Variants in KIF21A observed in about 807,000 individuals in gnomAD.
KIF21A encodes kinesin family member 21A, also known as kinesin-like protein KIF21A.
In KIF21A, 114 loss-of-function variants were observed where a neutral mutation model predicts 202.9. That is an observed-to-expected ratio of 0.56 (90% CI 0.48 to 0.66). The LOEUF (loss-of-function observed/expected upper bound fraction) is 0.66, where lower values mean the gene tolerates loss of function less well. Among genes scored for constraint, KIF21A ranks in the 30% least tolerant of loss-of-function variants. The pLI, the probability that KIF21A is intolerant of heterozygous loss-of-function variation, is 0.00. For missense variants in KIF21A, 1,677 were observed against 1,994.9 expected (o/e 0.84, Z 3.04); for synonymous variants, 667 against 670.8 (o/e 0.99, Z 0.09).
Position 39,312,617 on chromosome 12 carries a change from C to T in KIF21A, c.3960-1064G>A, listed in dbSNP as rs530792244. On this transcript the variant is annotated intron_variant, in intron 31 of 37. Coordinates refer to ENST00000361418, the MANE Select transcript of KIF21A (RefSeq NM_001173464.2). Reference sequence around the variant, plus strand: ...TGTGCATTGCATGCCTGTATCCAAACATCTCATGTACTCCATAAATATATA... The same window carrying T: ...TGTGCATTGCATGCCTGTATCCAAATATCTCATGTACTCCATAAATATATA... 1.3e-3 allele frequency: 195 copies of T among 152,072 alleles called. 2 individuals are homozygous for T. The highest frequency in any genetic ancestry group is 4.5e-3 in the African/African-American group (187 of 41,536). 9.4% of individuals were successfully genotyped at this position (152,072 alleles called of 1,614,324 possible). A position where few individuals can be genotyped will look rare whatever the true frequency, so the allele number is the denominator to read the frequency against.
intron 37 of KIF21A, among the ~76,000 whole-genome samples, chr12:39,298,828 A>G (rs1942672132): frequency 6.6e-6 from 1 of 152,184 alleles, no homozygotes; most frequent in Non-Finnish European, 1.5e-5. Flanking sequence ...GACAGGTATG[A>G]TGAAATTATC....
At position 39,358,445 on chromosome 12, in the gene KIF21A, T is replaced by C. The variant is rs545208658; in HGVS notation, c.1020-72A>G. 4 of 1,364,766 alleles carry C rather than the reference T, an allele frequency of 2.9e-6. No individual in the cohort carries two copies. In the South Asian group the frequency reaches 4.7e-5, roughly 16 times the overall value. The allele number at this position is 1,364,766 out of a possible 1,614,324, so 84.5% of individuals were successfully genotyped here. On this transcript the variant is annotated intron_variant, in intron 7 of 37. Coordinates refer to ENST00000361418, the MANE Select transcript of KIF21A (RefSeq NM_001173464.2). ...AATGCTAAAATAATCATTTTTAAAT[T>C]CCTAACATTTGAATAGTATCTTCTC...
chr12:39,300,641 C>A (rs1391424409), intron 37 of KIF21A, among the ~76,000 whole-genome samples: 2 of 151,842 alleles, frequency 1.3e-5, no homozygotes, highest in Non-Finnish European at 2.9e-5. Context: ...TGAATGAGAC[C>A]TACACTTCAC....
chr12:39,436,008 C>T, intron 1 of KIF21A, among the ~76,000 whole-genome samples: 1 of 152,002 alleles, frequency 6.6e-6, no homozygotes, highest in Non-Finnish European at 1.5e-5. Flanking sequence ...TGGGTTTCTA[C>T]CCCTGCGGTT....
At chr12:39,388,029 C>T (rs1020425068) in intron 1 of KIF21A, among the ~76,000 whole-genome samples, 4 of 152,068 alleles carry the variant, frequency 2.6e-5, no homozygotes, top group African/African-American at 7.2e-5. Context: ...TCAGTTCTTT[C>T]GAAGAAAAGA....
chr12:39,426,639 G>A (rs1301250823), intron 1 of KIF21A, among the ~76,000 whole-genome samples: 5 of 151,734 alleles, frequency 3.3e-5, no homozygotes, highest in East Asian at 1.9e-4. Flanking sequence ...TTGTGAGGCC[G>A]AGGTGGGCAG....
rs1188485899 is a variant in KIF21A at position 39,339,646 on chromosome 12, A to C, written c.2310+519T>G. ...GTAAAGAATAATTAATCAAAAACAGATAACAGATCAGGATTTGCACACTCT... is the reference window on the plus strand; with the variant it reads ...GTAAAGAATAATTAATCAAAAACAGCTAACAGATCAGGATTTGCACACTCT... On this transcript the variant is annotated intron_variant, in intron 16 of 37. Coordinates refer to ENST00000361418, the MANE Select transcript of KIF21A (RefSeq NM_001173464.2). Among the ~76,000 whole-genome samples, 45 of 152,224 alleles carry C rather than the reference A, an allele frequency of 3.0e-4. 1 individual carries two copies. Among genetic ancestry groups the C allele is most frequent in the Admixed American group, 2.9e-3 (45 of 15,276 alleles).
rs10580436 is a variant in KIF21A at position 39,355,707 on chromosome 12, T to TTATATATATATATATA, written c.1469+1109_1469+1124dup. Among the ~76,000 whole-genome samples, 322 of 101,164 alleles carry TTATATATATATATATA rather than the reference T, an allele frequency of 3.2e-3. 11 individuals carry two copies. Among genetic ancestry groups the TTATATATATATATATA allele is most frequent in the East Asian group, 0.025 (79 of 3,116 alleles). The allele number at this position is 101,164 out of a possible 152,430, so 66.4% of individuals were successfully genotyped here. On this transcript the variant is annotated intron_variant, in intron 10 of 37. Transcript: ENST00000361418. ...TACCAAAAACATGAAGCATGAACAA[T>TTATATATATATATATA]TATATATATATATATATATATATAT...
At chr12:39,372,286 T>C (rs944132894) in intron 1 of KIF21A, among the ~76,000 whole-genome samples, 1 of 152,204 alleles carries the variant, frequency 6.6e-6, no homozygotes, top group Non-Finnish European at 1.5e-5. Flanking sequence ...AAGTAAAGAA[T>C]ATGCAACTAT....
chr12:39,428,571 T>C (rs995653697), intron 1 of KIF21A, among the ~76,000 whole-genome samples: 1 of 152,206 alleles, frequency 6.6e-6, no homozygotes, highest in African/African-American at 2.4e-5. Flanking sequence ...TTTTATAATA[T>C]GCAATGTGAC....
At chr12:39,416,667 ATATGTACATATATATG>A (rs1953664431) in intron 1 of KIF21A, among the ~76,000 whole-genome samples, 2 of 104,826 alleles carry the variant, frequency 1.9e-5, no homozygotes, top group African/African-American at 7.7e-5. Flanking sequence ...GTGTATATAT[ATATGTACATATATATG>A]TGTGTATATA....
intron 10 of KIF21A, among the ~76,000 whole-genome samples, chr12:39,354,583 G>A (rs765667531): frequency 6.6e-6 from 1 of 151,994 alleles, no homozygotes; most frequent in Non-Finnish European, 1.5e-5. Flanking sequence ...TTATTAAAAG[G>A]TAACTACTAT....
chr12:39,424,817 T>C (rs1954617148), intron 1 of KIF21A, among the ~76,000 whole-genome samples: 2 of 152,152 alleles, frequency 1.3e-5, no homozygotes, highest in South Asian at 2.1e-4. Flanking sequence ...TATAATACAG[T>C]CCACCTTGTA....
intron 10 of KIF21A, among the ~76,000 whole-genome samples, chr12:39,356,197 C>A (rs954654752): frequency 5.3e-5 from 8 of 152,250 alleles, no homozygotes; most frequent in African/African-American, 1.9e-4. Flanking sequence ...CATTCCTACA[C>A]CAGCATGGGC....
In KIF21A at chr12:39,320,830, G is replaced by A. The variant is rs891978838; in HGVS notation, c.3672-817C>T. ...GGCACCTGTAATCCCAGCTACTTGGGAGGCTGAGGCAGGAGAATCGCTTGA... is the reference window on the plus strand; with the variant it reads ...GGCACCTGTAATCCCAGCTACTTGGAAGGCTGAGGCAGGAGAATCGCTTGA... On this transcript the variant is annotated intron_variant, in intron 27 of 37. Transcript: ENST00000361418. Among the ~76,000 whole-genome samples the A allele has an allele frequency of 2.0e-5, 3 of 149,874 alleles. No individual in the cohort carries two copies. The South Asian group carries it at 6.3e-4, about 32-fold the overall frequency.
intron 10 of KIF21A, among the ~76,000 whole-genome samples, chr12:39,352,206 C>T (rs1948443369): frequency 6.6e-6 from 1 of 152,020 alleles, no homozygotes; most frequent in South Asian, 2.1e-4. Context: ...GCCCCTCTAC[C>T]TCAGCTCTGG....
intron 18 of KIF21A, 48 bp downstream of exon 18, chr12:39,333,164 T>A (rs1238266433): frequency 6.2e-7 from 1 of 1,607,006 alleles, no homozygotes; most frequent in East Asian, 2.2e-5. Flanking sequence ...ACATCATTTA[T>A]CTCAAAGTCA....
chr12:39,385,488 T>C (rs1950885017), intron 1 of KIF21A, among the ~76,000 whole-genome samples: 1 of 152,208 alleles, frequency 6.6e-6, no homozygotes, highest in Non-Finnish European at 1.5e-5. Context: ...GAAAAAATAC[T>C]GTATATCTTC....
rs183585251 is a variant in KIF21A, at chr12:39,414,099, T to G, written c.44+28828A>C. Among the ~76,000 whole-genome samples the G allele has an allele frequency of 5.1e-3, 778 of 152,360 alleles. 5 individuals carry two copies. Among genetic ancestry groups the G allele is most frequent in the Non-Finnish European group, 9.4e-3 (638 of 68,036 alleles). ...TAGTTTAAAAGCTTGGAAATCTCAC[T>G]TGATTCTTTCTTTTCCTTTATATAT... On this transcript the variant is annotated intron_variant, in intron 1 of 37. Coordinates refer to ENST00000361418, the MANE Select transcript of KIF21A (RefSeq NM_001173464.2).
Sources: gnomAD v4.1 joint callset for allele counts (sites outside exome capture counted in the v4.1 genomes callset) on GRCh38, gnomAD v4.1.1 for gene constraint, MANE v1.5 for transcripts, NCBI Gene and HGNC (gene_info 2026-07-23, HGNC 2026-07-21) for gene names.